The following XPNPEP1 variants were observed in gnomAD, a reference collection of about 807,000 sequenced individuals.
XPNPEP1 encodes the protein xaa-Pro aminopeptidase 1.
Under a neutral mutation model 92.4 loss-of-function variants are expected in XPNPEP1, and 39 were observed. That is an observed-to-expected ratio of 0.42 (90% confidence interval 0.33 to 0.55). XPNPEP1 has a LOEUF of 0.55. XPNPEP1 is among the 20% of genes least tolerant of loss of function. The pLI, the probability that XPNPEP1 is intolerant of heterozygous loss-of-function variation, is 0.08. For synonymous variants in XPNPEP1, 307 were observed against 299.4 expected (o/e 1.03, Z -0.26); for missense variants, 654 against 856.1 (o/e 0.76, Z 2.95).
In XPNPEP1 at chr10:109,888,145, G is replaced by A; in HGVS notation, c.556C>T (p.Leu186Phe). ...ACGAGGTTCTCCTTGACAGGAATGA[G>A]GTGATGGCCGGCACTTCTCAGAACT... ...AKVLRSAGHH[L>F]IPVKENLVDK... The change falls in exon 7 of 21, where the codon CTC becomes TTC. Residue 186 changes from leucine (L) to phenylalanine (F), a missense_variant. Leu to Phe is a conservative substitution (Grantham distance 22). Coordinates refer to ENST00000502935, the MANE Select transcript of XPNPEP1 (RefSeq NM_020383.4). 6.2e-7 allele frequency: 1 copy of A among 1,613,870 alleles called. No homozygotes were observed. Among genetic ancestry groups the A allele is most frequent in the Non-Finnish European group, 8.5e-7 (1 of 1,180,010 alleles).
At chr10:109,883,045 T>C (rs1453423788) in intron 9 of XPNPEP1, among the ~76,000 whole-genome samples, 1 of 152,208 alleles carries the variant, frequency 6.6e-6, no homozygotes, top group East Asian at 1.9e-4. Flanking sequence ...GTTTCAGTCA[T>C]AATATTCTTT....
chr10:109,910,666 T>A (rs188457372), intron 2 of XPNPEP1, among the ~76,000 whole-genome samples: 125 of 152,344 alleles, frequency 8.2e-4, no homozygotes, highest in East Asian at 5.6e-3. Flanking sequence ...ATTTATCCAT[T>A]CACCTGCTGA....
intron 3 of XPNPEP1, among the ~76,000 whole-genome samples, chr10:109,897,518 T>C (rs925792207): frequency 6.6e-6 from 1 of 152,188 alleles, no homozygotes; most frequent in African/African-American, 2.4e-5. Flanking sequence ...TTTCCTCTCA[T>C]TCTAATCCTC....
chr10:109,911,418 C>T (rs1168453154), intron 2 of XPNPEP1, among the ~76,000 whole-genome samples: 1 of 152,120 alleles, frequency 6.6e-6, no homozygotes, highest in Non-Finnish European at 1.5e-5. Flanking sequence ...GCTATCCTTT[C>T]GTCTAATCTA....
intron 18 of XPNPEP1, 39 bp from the exon 19 acceptor site, chr10:109,870,068 C>G (rs376169718): frequency 4.4e-6 from 7 of 1,605,210 alleles, no homozygotes; most frequent in African/African-American, 1.3e-5. Flanking sequence ...AAGCAGCCCA[C>G]GATGAAGATG....
At chr10:109,893,210 A>G (rs139923297) in intron 3 of XPNPEP1, 135 bp from the exon 4 acceptor site, 2 of 714,804 alleles carry the variant, frequency 2.8e-6, no homozygotes, top group African/African-American at 1.8e-5. Flanking sequence ...CAAGAAGCCA[A>G]CAGTCTAGCT....
At chr10:109,871,754 GAA>G (rs1847491613) in intron 17 of XPNPEP1, 36 bp downstream of exon 17, 1 of 1,592,422 alleles carries the variant, frequency 6.3e-7, no homozygotes, top group Non-Finnish European at 8.5e-7. Context: ...TCTCAAACAA[GAA>G]AAAGAGCCTG....
chr10:109,915,037 T>C lies in XPNPEP1; in HGVS notation c.95A>G (p.His32Arg). ...TGTTTCCACACCTGTGTCTCCTGAGTGTGTCACCTCGTTAGGTTCAATTAT... is the reference window on the plus strand; with the variant it reads ...TGTTTCCACACCTGTGTCTCCTGAGCGTGTCACCTCGTTAGGTTCAATTAT... ...LRIIEPNEVT[H>R]SGDTGVETDG... The change falls in exon 2 of 21, where the codon CAC (histidine) becomes CGC (arginine). Residue 32 changes from histidine to arginine, a missense_variant. Coordinates refer to ENST00000502935, the MANE Select transcript of XPNPEP1 (RefSeq NM_020383.4). 6.5e-7 allele frequency: 1 copy of C among 1,531,104 alleles called. No individual in the cohort carries two copies. Among genetic ancestry groups the C allele is most frequent in the South Asian group, 1.2e-5 (1 of 82,608 alleles). The allele number at this position is 1,531,104 out of a possible 1,614,324, so 94.8% of individuals were successfully genotyped here. A position where few individuals can be genotyped will look rare whatever the true frequency, so the allele number is the denominator to read the frequency against.
chr10:109,878,307 C>T, intron 12 of XPNPEP1: 1 of 430,130 alleles, frequency 2.3e-6, no homozygotes, highest in Non-Finnish European at 4.2e-6. Context: ...CCTAAAACCT[C>T]CCAAAACAAC....
At chr10:109,917,868 T>C (rs1850276498) in intron 1 of XPNPEP1, among the ~76,000 whole-genome samples, 1 of 152,212 alleles carries the variant, frequency 6.6e-6, no homozygotes, top group Admixed American at 6.5e-5. Context: ...AGGAATAGTC[T>C]CTTCCACAAA....
At chr10:109,909,492 T>G (rs1849744870) in intron 2 of XPNPEP1, among the ~76,000 whole-genome samples, 2 of 152,220 alleles carry the variant, frequency 1.3e-5, no homozygotes, top group South Asian at 4.1e-4. Context: ...GTTTCATCTA[T>G]ATCTATAGTC....
At chr10:109,879,551 C>A (rs1304981591) in intron 12 of XPNPEP1, among the ~76,000 whole-genome samples, 1 of 151,818 alleles carries the variant, frequency 6.6e-6, no homozygotes, top group African/African-American at 2.4e-5. Flanking sequence ...GCCTGGGTGA[C>A]AGAGTGAGAC....
chr10:109,892,887 A>G, intron 4 of XPNPEP1, 125 bp downstream of exon 4: 1 of 913,426 alleles, frequency 1.1e-6, no homozygotes, highest in East Asian at 2.6e-5. Flanking sequence ...TTCTGCAGAG[A>G]GTCAATGTGG....
intron 9 of XPNPEP1, among the ~76,000 whole-genome samples, 198 bp from the exon 10 acceptor site, chr10:109,882,840 A>G (rs1848181896): frequency 6.6e-6 from 1 of 152,144 alleles, no homozygotes; most frequent in African/African-American, 2.4e-5. Flanking sequence ...GCCAAGCCAG[A>G]AATCTGGGCA....
chr10:109,878,130 A>C (rs1847886401), intron 12 of XPNPEP1, 72 bp from the exon 13 acceptor site: 1 of 1,570,956 alleles, frequency 6.4e-7, no homozygotes, highest in Admixed American at 1.7e-5. Flanking sequence ...TAGAGGAGGT[A>C]CATTAAAAGC....
At chr10:109,896,837 C>T (rs540930890) in intron 3 of XPNPEP1, among the ~76,000 whole-genome samples, 2 of 152,236 alleles carry the variant, frequency 1.3e-5, no homozygotes, top group East Asian at 3.9e-4. Context: ...AGGTGGCCTC[C>T]AGAAACTGGA....
intron 20 of XPNPEP1, among the ~76,000 whole-genome samples, chr10:109,866,505 G>A (rs117408502): frequency 8.5e-5 from 13 of 152,326 alleles, no homozygotes; most frequent in Non-Finnish European, 1.2e-4. Flanking sequence ...GTAAGGCAAC[G>A]GCAGCATCCT....
At chr10:109,913,419 A>C (rs1472777112) in intron 2 of XPNPEP1, among the ~76,000 whole-genome samples, 1 of 152,212 alleles carries the variant, frequency 6.6e-6, no homozygotes, top group Non-Finnish European at 1.5e-5. Context: ...AGTTTACTCC[A>C]ATTTCAGCAT....
chr10:109,910,230 G>A (rs150545686), intron 2 of XPNPEP1, among the ~76,000 whole-genome samples: 1,907 of 152,178 alleles, frequency 0.013, 30 homozygotes, highest in South Asian at 0.098. Flanking sequence ...AGCTTTTCCA[G>A]ATTGATTTCT....
Sources: gnomAD v4.1 joint callset for allele counts (sites outside exome capture counted in the v4.1 genomes callset) on GRCh38, gnomAD v4.1.1 for gene constraint, MANE v1.5 for transcripts, NCBI Gene and HGNC (gene_info 2026-07-23, HGNC 2026-07-21) for gene names.